Variants in TENM2 observed in about 807,000 individuals in gnomAD.
TENM2 encodes the protein teneurin transmembrane protein 2, also known as teneurin-2.
TENM2 carries 52 observed loss-of-function variants against 245.2 expected under a neutral mutation model. The ratio of observed to expected loss-of-function variants is 0.21; its 90% CI spans 0.17 to 0.27. The LOEUF (loss-of-function observed/expected upper bound fraction) is 0.27, where lower values mean the gene tolerates loss of function less well. Among genes scored for constraint, TENM2 ranks in the 10% least tolerant of loss-of-function variants. TENM2 has a pLI of 1.00. For synonymous variants in TENM2, 1,363 were observed against 1,438.9 expected (o/e 0.95, Z 1.19); for missense variants, 3,046 against 3,666.8 (o/e 0.83, Z 4.37).
chr5:167,181,440 T>G, the TENM2 span, among the ~76,000 whole-genome samples: 1 of 150,220 alleles, frequency 6.7e-6, no homozygotes, highest in Admixed American at 6.6e-5. Context: ...GTTCTCTGTT[T>G]TTTTTTTTCC....
chr5:167,865,232 A>G (rs1237696024), intron 2 of TENM2, among the ~76,000 whole-genome samples: 1 of 152,156 alleles, frequency 6.6e-6, no homozygotes, highest in East Asian at 1.9e-4. Context: ...GAAGGTGAGA[A>G]GCTTTCATAA....
chr5:167,434,716 GA>G, intron 2 of TENM2, among the ~76,000 whole-genome samples: 1 of 152,150 alleles, frequency 6.6e-6, no homozygotes, highest in South Asian at 2.1e-4. Flanking sequence ...AGAAGTATAT[GA>G]CAGGACATTA....
chr5:167,209,871 T>G, the TENM2 span, among the ~76,000 whole-genome samples: 5 of 152,174 alleles, frequency 3.3e-5, no homozygotes. Context: ...CTTCCCTTAT[T>G]CAACTATATC....
chr5:167,536,232 C>T (rs1179289174), intron 2 of TENM2, among the ~76,000 whole-genome samples: 1 of 151,918 alleles, frequency 6.6e-6, no homozygotes, highest in Admixed American at 6.6e-5. Context: ...AAATTTTTAT[C>T]ATAATGACTG....
rs140152607 is a variant in TENM2 at position 167,553,078 on chromosome 5, G to T, written c.502+177605G>T. Among the ~76,000 whole-genome samples, 488 of 152,308 alleles carry T rather than the reference G, an allele frequency of 3.2e-3. 6 individuals are homozygous for T. Among genetic ancestry groups the T allele is most frequent in the African/African-American group, 0.011 (453 of 41,564 alleles). ...GAAAATGCTTTGATAGACAGACATG[G>T]TTCTAGAGGACACACAGCAAAGGAA... On this transcript the variant is annotated intron_variant, in intron 2 of 28. Coordinates refer to ENST00000518659, the Ensembl canonical transcript of TENM2.
chr5:167,257,884 A>G, the TENM2 span, among the ~76,000 whole-genome samples: 1 of 152,066 alleles, frequency 6.6e-6, no homozygotes, highest in Non-Finnish European at 1.5e-5. Flanking sequence ...TCTGAGATTC[A>G]TGAGAATTAA....
At chr5:167,768,611 T>C (rs1473882809) in intron 2 of TENM2, among the ~76,000 whole-genome samples, 4 of 152,086 alleles carry the variant, frequency 2.6e-5, no homozygotes, top group Admixed American at 2.6e-4. Flanking sequence ...GTGGTGGGGA[T>C]CCCAAGCTCT....
chr5:167,362,822 T>C (rs952591424), intron 1 of TENM2, among the ~76,000 whole-genome samples: 1 of 152,312 alleles, frequency 6.6e-6, no homozygotes, highest in South Asian at 2.1e-4. Context: ...TAGAACCCCA[T>C]TTCATTGCTT....
chr5:167,349,357 C>T (rs1388219153), intron 1 of TENM2, among the ~76,000 whole-genome samples: 2 of 152,010 alleles, frequency 1.3e-5, no homozygotes, highest in East Asian at 3.9e-4. Context: ...TTATAGAGAC[C>T]AGGAAATATA....
intron 2 of TENM2, among the ~76,000 whole-genome samples, chr5:167,444,798 A>G (rs1416442545): frequency 6.6e-6 from 1 of 152,168 alleles, no homozygotes; most frequent in East Asian, 1.9e-4. Context: ...ATAAATGAGC[A>G]TTGGGGCAAG....
chr5:168,028,963 A>T (rs1166552573), intron 5 of TENM2, among the ~76,000 whole-genome samples: 1 of 152,186 alleles, frequency 6.6e-6, no homozygotes, highest in Non-Finnish European at 1.5e-5. Flanking sequence ...CCCCTTAGGG[A>T]TAAACCCTCT....
chr5:167,472,881 C>G (rs34322678), intron 2 of TENM2, among the ~76,000 whole-genome samples: 3 of 152,274 alleles, frequency 2.0e-5, no homozygotes, highest in African/African-American at 7.2e-5. Flanking sequence ...CTAGCTGGGC[C>G]TTAGGAATAC....
At chr5:168,219,140 T>C in intron 23 of TENM2, 141 bp downstream of exon 25, 1 of 792,342 alleles carries the variant, frequency 1.3e-6, no homozygotes, top group Non-Finnish European at 2.0e-6. Context: ...CCTCAAGACA[T>C]TCATGTCCCC....
chr5:168,155,478 T>C (rs1460438078), intron 12 of TENM2, among the ~76,000 whole-genome samples: 9 of 152,056 alleles, frequency 5.9e-5, no homozygotes, highest in Admixed American at 1.3e-4. Flanking sequence ...CCATGTAGTC[T>C]ACCTTCGTGT....
rs142664622 is a variant in TENM2, at chr5:167,732,465, G to T, written c.503-143521G>T. 2.0e-3 allele frequency among the ~76,000 whole-genome samples: 300 copies of T among 152,224 alleles called. 2 individuals are homozygous for T. The highest frequency in any genetic ancestry group is 6.6e-3 in the African/African-American group (274 of 41,520). On this transcript the variant is annotated intron_variant, in intron 2 of 28. Coordinates refer to ENST00000518659, the Ensembl canonical transcript of TENM2. ...CAATTATAGGGGAAGAAAAGAACTG[G>T]ATACATTATTGTTTTTAAGAAAACT...
rs75108630 is a variant in TENM2, at chr5:167,517,068, G to A, written c.502+141595G>A. Among the ~76,000 whole-genome samples, 488 of 152,306 alleles carry A rather than the reference G, an allele frequency of 3.2e-3. 26 individuals are homozygous for A. The South Asian group carries it at 0.08, about 25-fold the overall frequency. ...GAGAAAGTGCCTTCTCTCTTTGTCA[G>A]TGAACCTTACCTTGGCTAACTAGGA... On this transcript the variant is annotated intron_variant, in intron 2 of 28. Transcript: ENST00000518659.
At chr5:167,259,502 A>G in the TENM2 span, among the ~76,000 whole-genome samples, 1 of 152,190 alleles carries the variant, frequency 6.6e-6, no homozygotes, top group African/African-American at 2.4e-5. Context: ...TCACCTGTTT[A>G]AAACCTCTCC....
At chr5:168,136,265 C>T (rs889201831) in intron 12 of TENM2, among the ~76,000 whole-genome samples, 7 of 152,212 alleles carry the variant, frequency 4.6e-5, no homozygotes, top group Admixed American at 3.9e-4. Context: ...ATTCACATCA[C>T]CTCACCAATT....
chr5:168,034,991 T>C (rs1390996445), intron 5 of TENM2, among the ~76,000 whole-genome samples: 1 of 152,228 alleles, frequency 6.6e-6, no homozygotes, highest in East Asian at 1.9e-4. Flanking sequence ...TGCAAGATGA[T>C]GTTTCACTTT....
Sources: allele counts gnomAD v4.1 joint callset (sites outside exome capture counted in the v4.1 genomes callset), GRCh38; gene constraint gnomAD v4.1.1; transcripts MANE v1.5; gene names NCBI Gene and HGNC (gene_info 2026-07-23, HGNC 2026-07-21).